Variants in UBE2QL1 observed in about 807,000 individuals in gnomAD.
The protein encoded by UBE2QL1 is ubiquitin conjugating enzyme E2 QL1.
Under a neutral mutation model 12.6 loss-of-function variants are expected in UBE2QL1, and 5 were observed. That is an observed-to-expected ratio of 0.40 (90% CI 0.21 to 0.83). The LOEUF is 0.83. Among genes scored for constraint, UBE2QL1 ranks in the 40% least tolerant of loss-of-function variants. The probability of loss-of-function intolerance (pLI) is 0.37; values close to 1 mark genes in which losing one functional copy is unlikely to be tolerated. For missense variants in UBE2QL1, 99 were observed against 222.6 expected (o/e 0.44, Z 3.53); for synonymous variants, 96 against 94.5 (o/e 1.02, Z -0.10).
rs924413373 is a variant in UBE2QL1, at chr5:6,477,315, C to T, written c.355-13903C>T. Among the ~76,000 whole-genome samples the T allele has an allele frequency of 3.7e-4, 56 of 152,202 alleles. 1 individual carries two copies. Among genetic ancestry groups the T allele is most frequent in the African/African-American group, 1.2e-3 (49 of 41,452 alleles). On this transcript the variant is annotated intron_variant, in intron 1 of 1. Transcript: ENST00000399816. ...CCAAAGATTCTTGGTGAATTGCACA[C>T]GGAGCACAACTCCTTGCACTGAAGG...
chr5:6,458,122 A>G (rs1739573738), intron 1 of UBE2QL1, among the ~76,000 whole-genome samples: 1 of 152,266 alleles, frequency 6.6e-6, no homozygotes, highest in Non-Finnish European at 1.5e-5. Flanking sequence ...AACTCAAGAA[A>G]GAAGTGCTTT....
At position 6,481,453 on chromosome 5, in the gene UBE2QL1, G is replaced by A. The variant is rs974095077; in HGVS notation, c.355-9765G>A. Among the ~76,000 whole-genome samples, 2 of 152,168 alleles carry A rather than the reference G, an allele frequency of 1.3e-5. No homozygotes were observed. Among genetic ancestry groups the A allele is most frequent in the Admixed American group, 1.3e-4 (2 of 15,282 alleles). On this transcript the variant is annotated intron_variant, in intron 1 of 1. Transcript: ENST00000399816. The surrounding 1 kb of genome is among the most constrained non-coding windows in gnomAD (Gnocchi z 4.5). ...CTGCTCACGGGCCTATGGCTAGAGA[G>A]CAGAGAGGGGGCACGCTCCCCTCCC...
chr5:6,488,315 T>G (rs1336537733), intron 1 of UBE2QL1, among the ~76,000 whole-genome samples: 1 of 152,214 alleles, frequency 6.6e-6, no homozygotes, highest in Non-Finnish European at 1.5e-5. Context: ...TGTGGGTTCA[T>G]GCCAAAAACC....
intron 1 of UBE2QL1, among the ~76,000 whole-genome samples, chr5:6,485,822 A>C (rs1734457052): frequency 6.6e-6 from 1 of 152,266 alleles, no homozygotes; most frequent in Non-Finnish European, 1.5e-5. Context: ...AAAGCTAATC[A>C]AGTAAGTATA....
rs78591825 is a variant in UBE2QL1 at position 6,473,921 on chromosome 5, A to T, written c.355-17297A>T. Among the ~76,000 whole-genome samples the T allele has an allele frequency of 9.3e-3, 1,409 of 152,274 alleles. 9 individuals are homozygous for T. The highest frequency in any genetic ancestry group is 0.013 in the Non-Finnish European group (902 of 68,030). ...TGGGATTAACTTTTCCATTACTAGG[A>T]AAAGGGCAGTTTTGATGACTTACTT... On this transcript the variant is annotated intron_variant, in intron 1 of 1. Coordinates refer to ENST00000399816, the MANE Select transcript of UBE2QL1 (RefSeq NM_001145161.3).
chr5:6,480,616 A>C (rs1013314014), intron 1 of UBE2QL1, among the ~76,000 whole-genome samples: 5 of 152,182 alleles, frequency 3.3e-5, no homozygotes, highest in Non-Finnish European at 7.4e-5. Context: ...GCTTCCTCCA[A>C]GAAAGTACCA....
At chr5:6,459,916 A>T (rs774358934) in intron 1 of UBE2QL1, among the ~76,000 whole-genome samples, 5 of 152,124 alleles carry the variant, frequency 3.3e-5, no homozygotes, top group Non-Finnish European at 7.4e-5. Flanking sequence ...TTTCCCATCC[A>T]AATATATATA....
At chr5:6,450,113 T>C (rs1739385092) in intron 1 of UBE2QL1, among the ~76,000 whole-genome samples, 1 of 143,860 alleles carries the variant, frequency 7.0e-6, no homozygotes. Context: ...CAATGCCTGT[T>C]TTCCCCTCAG....
At position 6,491,264 on chromosome 5, in the gene UBE2QL1, G is replaced by T. The variant is rs1430240147; in HGVS notation, c.401G>T (p.Arg134Leu). The T allele has an allele frequency of 1.4e-5, 21 of 1,551,560 alleles. No individual in the cohort carries two copies. Among genetic ancestry groups the T allele is most frequent in the South Asian group, 1.2e-5 (1 of 83,994 alleles). Residue 134 changes from arginine (R) to leucine (L), a missense_variant, in exon 2 of 2, where the codon CGC (arginine) becomes CTC (leucine). Arg to Leu is a moderately radical substitution (Grantham distance 102). Transcript: ENST00000399816. ...KAGKSKKSFS[R>L]KEAEATFKSL... is the part of the protein sequence containing the mutation. Reference sequence around the variant, plus strand: ...GGCAAATCAAAAAAGTCCTTCAGTCGCAAGGAAGCTGAAGCTACCTTTAAG... The same window carrying T: ...GGCAAATCAAAAAAGTCCTTCAGTCTCAAGGAAGCTGAAGCTACCTTTAAG...
Position 6,448,938 on chromosome 5 carries a change from C to A in UBE2QL1, c.45C>A (p.Ile15=). The A allele has an allele frequency of 2.6e-6, 4 of 1,546,706 alleles. No individual in the cohort carries two copies. Among genetic ancestry groups the A allele is most frequent in the Non-Finnish European group, 2.6e-6 (3 of 1,145,090 alleles). The part of the protein sequence containing the change: ...QDIARLSDRF[I]SVELVDESLF... ...TCGCGCGCCTTAGCGACCGCTTCAT[C>A]TCCGTGGAGCTGGTGGACGAGAGCC... The change falls in exon 1 of 2, where the codon ATC becomes ATA. Residue 15 remains isoleucine (I), a synonymous_variant. Coordinates refer to ENST00000399816, the MANE Select transcript of UBE2QL1 (RefSeq NM_001145161.3).
intron 1 of UBE2QL1, among the ~76,000 whole-genome samples, chr5:6,490,999 T>G (rs1210516892): frequency 6.6e-6 from 1 of 152,144 alleles, no homozygotes; most frequent in East Asian, 1.9e-4. Context: ...CCCCCTCCCC[T>G]AAAAGGCTGC....
chr5:6,458,931 G>A (rs924169476), intron 1 of UBE2QL1, among the ~76,000 whole-genome samples: 1 of 152,038 alleles, frequency 6.6e-6, no homozygotes, highest in Non-Finnish European at 1.5e-5. Context: ...CTCCTGCAGC[G>A]CACATGTGCC....
rs902775279 is a variant in UBE2QL1 at position 6,495,758 on chromosome 5, C to A, written c.*4409C>A. Among the ~76,000 whole-genome samples the A allele has an allele frequency of 6.6e-6, 1 of 152,198 alleles. No individual in the cohort carries two copies. Among genetic ancestry groups the A allele is most frequent in the South Asian group, 2.1e-4 (1 of 4,826 alleles). ...TCAGCCTATGGGACTGTAGTCAGAA[C>A]TTTGTAATTTTTTTCTCCAAAGACA... On this transcript the variant is annotated 3_prime_UTR_variant, in exon 2 of 2. Coordinates refer to ENST00000399816, the MANE Select transcript of UBE2QL1 (RefSeq NM_001145161.3).
chr5:6,460,599 C>G (rs1739631782), intron 1 of UBE2QL1, among the ~76,000 whole-genome samples: 1 of 152,178 alleles, frequency 6.6e-6, no homozygotes, highest in Admixed American at 6.5e-5. Flanking sequence ...TGATTTTGCA[C>G]CATCAGGGGC....
Position 6,478,988 on chromosome 5 carries a change from C to A in UBE2QL1, c.355-12230C>A, listed in dbSNP as rs886714423. Among the ~76,000 whole-genome samples the A allele has an allele frequency of 3.9e-5, 6 of 152,142 alleles. No homozygotes were observed. The highest frequency in any genetic ancestry group is 1.4e-4 in the African/African-American group (6 of 41,444). On this transcript the variant is annotated intron_variant, in intron 1 of 1. Coordinates refer to ENST00000399816, the MANE Select transcript of UBE2QL1 (RefSeq NM_001145161.3). This position sits in a 1 kb window ranked among gnomAD's most constrained non-coding sequence, Gnocchi z 4.5. ...CTTCCTAGGAGTGAGGAAGGCCAGGCCTCATGACAGAGCTGCCTGCCCTGG... is the reference window on the plus strand; with the variant it reads ...CTTCCTAGGAGTGAGGAAGGCCAGGACTCATGACAGAGCTGCCTGCCCTGG...
chr5:6,453,704 CAT>C (rs1739455080), intron 1 of UBE2QL1, among the ~76,000 whole-genome samples: 1 of 79,542 alleles, frequency 1.3e-5, no homozygotes, highest in Admixed American at 1.5e-4. Context: ...AGTGCACACA[CAT>C]GTGCACACAC....
chr5:6,449,244 C>A lies in UBE2QL1; in HGVS notation c.351C>A (p.Gly117=). 7.1e-7 allele frequency: 1 copy of A among 1,416,074 alleles called. No individual in the cohort carries two copies. 87.7% of individuals were successfully genotyped at this position (1,416,074 alleles called of 1,614,324 possible). Residue 117 remains glycine (G), a synonymous_variant, in exon 1 of 2, where the codon GGC becomes GGA. Coordinates refer to ENST00000399816, the MANE Select transcript of UBE2QL1 (RefSeq NM_001145161.3). ...MRQFAASLVK[G]QGRICRKAGK... ...AGTTCGCAGCCAGCCTGGTCAAGGG[C>A]CAGGTAAGGCGAGCGCGCCGGGGCT...
chr5:6,461,137 C>G (rs1262675528), intron 1 of UBE2QL1, among the ~76,000 whole-genome samples: 1 of 152,202 alleles, frequency 6.6e-6, no homozygotes, highest in African/African-American at 2.4e-5. Flanking sequence ...ACCTGCAGGA[C>G]TAGCCAAGTT....
chr5:6,468,972 A>G (rs994641647), intron 1 of UBE2QL1, among the ~76,000 whole-genome samples: 1 of 152,236 alleles, frequency 6.6e-6, no homozygotes, highest in Admixed American at 6.5e-5. Context: ...AGAAGAGGGT[A>G]GAATGGCCTT....
Sources: gnomAD v4.1 joint callset for allele counts (sites outside exome capture counted in the v4.1 genomes callset) on GRCh38, gnomAD v4.1.1 for gene constraint, Gnocchi (gnomAD v3.1) non-coding constraint, MANE v1.5 for transcripts, NCBI Gene and HGNC (gene_info 2026-07-23, HGNC 2026-07-21) for gene names.